Variants in SLC24A3 observed in about 807,000 individuals in gnomAD.
SLC24A3 encodes solute carrier family 24 member 3, also known as sodium/potassium/calcium exchanger 3.
A neutral mutation model predicts 75.8 loss-of-function variants in SLC24A3; 28 were observed. The ratio of observed to expected loss-of-function variants is 0.37; its 90% confidence interval spans 0.27 to 0.51. SLC24A3 has a LOEUF of 0.51. SLC24A3 is among the 20% of genes least tolerant of loss of function. The pLI is 0.94. For missense variants in SLC24A3, 663 were observed against 847.8 expected (o/e 0.78, Z 2.71); for synonymous variants, 372 against 334.1 (o/e 1.11, Z -1.24).
intron 2 of SLC24A3, among the ~76,000 whole-genome samples, chr20:19,290,434 G>T (rs1983913450): frequency 6.6e-6 from 1 of 152,158 alleles, no homozygotes; most frequent in Non-Finnish European, 1.5e-5. Context: ...TAGGTCATGA[G>T]ATCAGTCCCC....
chr20:19,514,613 G>T (rs919198105), intron 2 of SLC24A3, among the ~76,000 whole-genome samples: 4 of 152,196 alleles, frequency 2.6e-5, no homozygotes, highest in Non-Finnish European at 5.9e-5. Context: ...CCTATCGGAG[G>T]GACCACAGGA....
At chr20:19,367,238 C>T (rs1007203686) in intron 2 of SLC24A3, among the ~76,000 whole-genome samples, 5 of 152,242 alleles carry the variant, frequency 3.3e-5, no homozygotes, top group African/African-American at 9.6e-5. Flanking sequence ...GCAATGTCCA[C>T]TCTTCCTCAG....
chr20:19,612,698 C>T (rs890062297), intron 6 of SLC24A3, among the ~76,000 whole-genome samples: 6 of 151,936 alleles, frequency 3.9e-5, no homozygotes, highest in African/African-American at 1.5e-4. Context: ...CACCCCCCCT[C>T]TGCTGCCATC....
At position 19,690,375 on chromosome 20, in the gene SLC24A3, TCAATATCATTTTC is replaced by T. The variant is rs1568699519; in HGVS notation, c.1325-2880_1325-2868del. Among the ~76,000 whole-genome samples, 3 of 152,358 alleles carry T rather than the reference TCAATATCATTTTC, an allele frequency of 2.0e-5. No homozygotes were observed. The South Asian group carries it at 6.2e-4, about 32-fold the overall frequency. ...TTACACTTCTTACAACTTTGTCTAA[TCAATATCATTTTC>T]CAAGCTCTTGCACTCGTAAATTCTG... On this transcript the variant is annotated intron_variant, in intron 12 of 16. Transcript: ENST00000328041.
intron 3 of SLC24A3, among the ~76,000 whole-genome samples, chr20:19,527,345 C>T (rs1364885333): frequency 1.3e-5 from 2 of 152,160 alleles, no homozygotes; most frequent in East Asian, 1.9e-4. Context: ...GGAAGAAGTG[C>T]TCATTGAATG....
chr20:19,569,551 G>A (rs2031016825), intron 3 of SLC24A3, among the ~76,000 whole-genome samples: 1 of 152,120 alleles, frequency 6.6e-6, no homozygotes, highest in Non-Finnish European at 1.5e-5. Context: ...TCTGGACAGG[G>A]AGATCAGCCT....
intron 16 of SLC24A3, among the ~76,000 whole-genome samples, chr20:19,718,361 C>T (rs553843082): frequency 6.6e-6 from 1 of 152,290 alleles, no homozygotes; most frequent in East Asian, 1.9e-4. Flanking sequence ...ATCATTCATG[C>T]TCTTATGGTT....
intron 1 of SLC24A3, among the ~76,000 whole-genome samples, chr20:19,247,626 A>G (rs1982533276): frequency 6.6e-6 from 1 of 152,208 alleles, no homozygotes; most frequent in Non-Finnish European, 1.5e-5. Flanking sequence ...TGGAATTGAC[A>G]TGTGCCTTAG....
chr20:19,570,418 C>A (rs2031033813), intron 3 of SLC24A3, among the ~76,000 whole-genome samples: 1 of 152,078 alleles, frequency 6.6e-6, no homozygotes, highest in Non-Finnish European at 1.5e-5. Flanking sequence ...TGGAAGCAGA[C>A]CAGGAAATGT....
intron 6 of SLC24A3, among the ~76,000 whole-genome samples, chr20:19,606,475 G>T (rs969941836): frequency 3.3e-5 from 5 of 152,144 alleles, no homozygotes; most frequent in Non-Finnish European, 5.9e-5. Flanking sequence ...TTTTGCAGGG[G>T]ATTTTAAGCT....
chr20:19,430,727 G>A (rs1987086454), intron 2 of SLC24A3, among the ~76,000 whole-genome samples: 1 of 151,904 alleles, frequency 6.6e-6, no homozygotes, highest in African/African-American at 2.4e-5. Context: ...CATGCATACA[G>A]GCCCATGCAC....
rs981030972 is a variant in SLC24A3, at chr20:19,561,365, C to CTGGGGAT, written c.349-18635_349-18634insTGGGGAT. Among the ~76,000 whole-genome samples the CTGGGGAT allele has an allele frequency of 6.6e-5, 10 of 152,110 alleles. 2 individuals carry two copies. ...CACTGCGTTGGTCATCCCTGATGAC[C>CTGGGGAT]GCTGGGGAATCCTAAATCATGTGTT... On this transcript the variant is annotated intron_variant, in intron 3 of 16. Transcript: ENST00000328041.
chr20:19,525,936 C>G (rs1432770087), intron 3 of SLC24A3, among the ~76,000 whole-genome samples: 2 of 152,160 alleles, frequency 1.3e-5, no homozygotes, highest in Non-Finnish European at 2.9e-5. Flanking sequence ...AGGTAGGTGG[C>G]TCTGGCAGAT....
chr20:19,508,844 A>C (rs1000251583), intron 2 of SLC24A3, among the ~76,000 whole-genome samples: 1 of 152,254 alleles, frequency 6.6e-6, no homozygotes, highest in Non-Finnish European at 1.5e-5. Context: ...TGCTGTTAAC[A>C]GGCCATGTGG....
intron 2 of SLC24A3, among the ~76,000 whole-genome samples, chr20:19,304,112 A>G (rs139462076): frequency 1.3e-5 from 2 of 152,376 alleles, no homozygotes; most frequent in East Asian, 1.9e-4. Context: ...GAGCAAGTTT[A>G]AACAAGTTAA....
intron 1 of SLC24A3, among the ~76,000 whole-genome samples, chr20:19,232,506 T>C (rs1442744566): frequency 6.6e-6 from 1 of 152,240 alleles, no homozygotes; most frequent in Non-Finnish European, 1.5e-5. Flanking sequence ...GTCATACTTA[T>C]TTATTGTTGG....
At chr20:19,381,176 C>A (rs1012310509) in intron 2 of SLC24A3, among the ~76,000 whole-genome samples, 1 of 152,198 alleles carries the variant, frequency 6.6e-6, no homozygotes, top group African/African-American at 2.4e-5. Context: ...TCATTCAATT[C>A]ATTGTTTCAG....
chr20:19,720,032 C>T lies in SLC24A3; in HGVS notation c.1786-959C>T, dbSNP rs543965538. 2.8e-5 allele frequency among the ~76,000 whole-genome samples: 4 copies of T among 141,764 alleles called. No homozygotes were observed. The Admixed American group carries it at 2.9e-4, about 10-fold the overall frequency. The allele number at this position is 141,764 out of a possible 152,430, so 93.0% of individuals were successfully genotyped here. On this transcript the variant is annotated intron_variant, in intron 16 of 16. Transcript: ENST00000328041. ...AAGCTAGAAAGGAAGAGATTTGAGTCAGAAAGTGGGATGAGTGACACTAAG... is the reference window on the plus strand; with the variant it reads ...AAGCTAGAAAGGAAGAGATTTGAGTTAGAAAGTGGGATGAGTGACACTAAG...
chr20:19,314,277 ATTTATTTTATTTTATTTTAT>A (rs11474596), intron 2 of SLC24A3, among the ~76,000 whole-genome samples: 10 of 126,478 alleles, frequency 7.9e-5, no homozygotes, highest in South Asian at 2.6e-4. Flanking sequence ...GTTTTTATTT[ATTTATTTTATTTTATTTTAT>A]TTTATTTTAT....
Sources: gnomAD v4.1 joint callset for allele counts (sites outside exome capture counted in the v4.1 genomes callset) on GRCh38, gnomAD v4.1.1 for gene constraint, MANE v1.5 for transcripts, NCBI Gene and HGNC (gene_info 2026-07-23, HGNC 2026-07-21) for gene names.